The following ERAP1 variants were observed in gnomAD, a reference collection of about 807,000 sequenced individuals.
ERAP1 encodes the protein endoplasmic reticulum aminopeptidase 1, also known as adipocyte-derived leucine aminopeptidase.
In ERAP1, 86 loss-of-function variants were observed where a neutral mutation model predicts 103.7. The ratio of observed to expected loss-of-function variants is 0.83; its 90% CI spans 0.70 to 0.99. The LOEUF (loss-of-function observed/expected upper bound fraction) is 0.99, where lower values mean the gene tolerates loss of function less well. Among genes scored for constraint, ERAP1 ranks in the 50% least tolerant of loss-of-function variants. ERAP1 has a pLI of 0.00. For missense variants in ERAP1, 1,009 were observed against 1,128.4 expected, an observed-to-expected ratio of 0.89 and a Z score of 1.52; for synonymous variants, 398 against 402.4, an observed-to-expected ratio of 0.99 and a Z score of 0.13.
exon 20 of ERAP1, chr5:96,762,243 A>C (rs1448996908): frequency 5.6e-6 from 8 of 1,425,702 alleles, no homozygotes; most frequent in Non-Finnish European, 7.8e-6. Flanking sequence ...TATATACAAC[A>C]TGTTACTAAT....
chr5:96,767,425 C>T (rs2150743542), intron 19 of ERAP1: 1 of 1,608,566 alleles, frequency 6.2e-7, no homozygotes, highest in East Asian at 2.2e-5. Context: ...CAATAGTCTG[C>T]CTTCTTTTTA....
chr5:96,873,785 C>G, the ERAP1 span: 8 of 212,604 alleles, frequency 3.8e-5, no homozygotes, highest in Non-Finnish European at 7.8e-5. Flanking sequence ...CTATACTGGG[C>G]ACTCAGCAGT....
chr5:96,776,636 C>T, intron 18 of ERAP1, 85 bp from the exon 19 acceptor site: 1 of 1,551,828 alleles, frequency 6.4e-7, no homozygotes, highest in South Asian at 1.2e-5. Context: ...GCCAAAATTC[C>T]AGCATTTGTC....
chr5:96,788,989 T>G (rs1470514825), intron 10 of ERAP1, among the ~76,000 whole-genome samples: 7 of 152,070 alleles, frequency 4.6e-5, no homozygotes, highest in African/African-American at 9.7e-5. Flanking sequence ...TGTGAATGAA[T>G]GAAGGAAGAG....
At chr5:96,932,531 A>T in the ERAP1 span, among the ~76,000 whole-genome samples, 2 of 152,172 alleles carry the variant, frequency 1.3e-5, no homozygotes, top group Non-Finnish European at 2.9e-5. Context: ...GCTTGTGGAA[A>T]CTGGGAGACA....
the ERAP1 span, among the ~76,000 whole-genome samples, chr5:96,922,671 G>T: frequency 6.6e-6 from 1 of 152,212 alleles, no homozygotes; most frequent in Non-Finnish European, 1.5e-5. Context: ...GCTCGCAGTT[G>T]TCAGACCCTC....
chr5:96,872,953 G>A, the ERAP1 span, among the ~76,000 whole-genome samples: 1 of 152,182 alleles, frequency 6.6e-6, no homozygotes, highest in South Asian at 2.1e-4. Context: ...ACTTTGGGAG[G>A]CCAAGGTGGG....
chr5:96,826,028 C>T, the ERAP1 span, among the ~76,000 whole-genome samples: 2 of 152,204 alleles, frequency 1.3e-5, no homozygotes, highest in Admixed American at 6.5e-5. Flanking sequence ...TGATTCGTTG[C>T]TTATTCTGCA....
At chr5:96,912,188 CAA>C in the ERAP1 span, among the ~76,000 whole-genome samples, 5 of 84,268 alleles carry the variant, frequency 5.9e-5, no homozygotes, top group Non-Finnish European at 4.8e-5. Flanking sequence ...GACTCCACCT[CAA>C]AAAAAAAAAA....
chr5:96,896,433 C>T, the ERAP1 span: 151 of 1,612,884 alleles, frequency 9.4e-5, no homozygotes, highest in Middle Eastern at 1.6e-4. Context: ...GAATTCATCC[C>T]GCCCTATCTC....
At chr5:96,904,865 T>C in the ERAP1 span, among the ~76,000 whole-genome samples, 111 of 152,370 alleles carry the variant, frequency 7.3e-4, no homozygotes, top group African/African-American at 2.5e-3. Flanking sequence ...TAATCATCTT[T>C]TCTTCACTAA....
At chr5:96,914,148 T>TCTCACACACACACA in the ERAP1 span, among the ~76,000 whole-genome samples, 44 of 148,080 alleles carry the variant, frequency 3.0e-4, no homozygotes, top group African/African-American at 4.7e-4. Flanking sequence ...TCTCTCTCTC[T>TCTCACACACACACA]CACACACACA....
the ERAP1 span, among the ~76,000 whole-genome samples, chr5:96,874,636 T>C: frequency 2.8e-3 from 427 of 152,358 alleles, 2 homozygotes; most frequent in Admixed American, 4.9e-3. Context: ...TTCAGTCTTA[T>C]GTTTCGGGCC....
the ERAP1 span, among the ~76,000 whole-genome samples, chr5:96,818,040 A>G: frequency 6.6e-6 from 1 of 152,230 alleles, no homozygotes; most frequent in African/African-American, 2.4e-5. Flanking sequence ...AAAAAGAAAT[A>G]AAGCAATCAT....
At chr5:96,792,840 G>C (rs2150960638) in intron 7 of ERAP1, among the ~76,000 whole-genome samples, 1 of 152,194 alleles carries the variant, frequency 6.6e-6, no homozygotes. Flanking sequence ...CAAATGAAAA[G>C]AATCATTGGA....
chr5:96,927,492 T>TG, the ERAP1 span, among the ~76,000 whole-genome samples: 922 of 152,326 alleles, frequency 6.1e-3, 4 homozygotes, highest in South Asian at 0.012. Flanking sequence ...TACTTTTTTT[T>TG]TTTGTTTGTT....
the ERAP1 span, chr5:96,881,229 G>C: frequency 5.6e-6 from 2 of 358,150 alleles, no homozygotes; most frequent in Admixed American, 7.5e-5. Context: ...CTATGTTGAG[G>C]GTATGTTATA....
chr5:96,878,165 A>G, the ERAP1 span, among the ~76,000 whole-genome samples: 1 of 152,230 alleles, frequency 6.6e-6, no homozygotes, highest in Non-Finnish European at 1.5e-5. Context: ...TTACAAAGGT[A>G]GTAAATTCAG....
At chr5:96,808,222 G>GTGTGTGTGTGTGTGTGTGTTGAGA (rs1778904734), upstream of ERAP1, 5 of 560,694 alleles carry the variant, frequency 8.9e-6, no homozygotes, top group African/African-American at 9.0e-5. Context: ...GTGTGTGTGT[G>GTGTGTGTGTGTGTGTGTGTTGAGA]TGTGTGTGTG....
Sources: allele counts gnomAD v4.1 joint callset (sites outside exome capture counted in the v4.1 genomes callset), GRCh38; gene constraint gnomAD v4.1.1; transcripts MANE v1.5; gene names NCBI Gene and HGNC (gene_info 2026-07-23, HGNC 2026-07-21).